The following RORC variants were observed in gnomAD, a reference collection of about 807,000 sequenced individuals.
The protein encoded by RORC is nuclear receptor ROR-gamma.
Under a neutral mutation model 64.5 loss-of-function variants are expected in RORC, and 13 were observed. The ratio of observed to expected loss-of-function variants is 0.20; its 90% CI spans 0.13 to 0.32. RORC has a LOEUF of 0.32. RORC is among the 10% of genes least tolerant of loss of function. RORC has a pLI of 1.00. For missense variants in RORC, 468 were observed against 669.5 expected (o/e 0.70, Z 3.32); for synonymous variants, 277 against 259.3 (o/e 1.07, Z -0.65).
intron 6 of RORC, 105 bp downstream of exon 6, chr1:151,814,469 G>T: frequency 8.0e-7 from 1 of 1,255,410 alleles, no homozygotes; most frequent in Non-Finnish European, 1.1e-6. Flanking sequence ...CTGTGTCTGT[G>T]ATGTCCCGCC....
chr1:151,826,992 C>A (rs1652219720), intron 2 of RORC, among the ~76,000 whole-genome samples: 1 of 152,144 alleles, frequency 6.6e-6, no homozygotes, highest in African/African-American at 2.4e-5. Context: ...GTGGCGAGCA[C>A]CTGTAGTCCC....
intron 4 of RORC, among the ~76,000 whole-genome samples, chr1:151,816,360 G>C (rs761491759): frequency 1.3e-5 from 2 of 152,258 alleles, no homozygotes; most frequent in Non-Finnish European, 2.9e-5. Context: ...CTGCATGGGA[G>C]CTGGGCCAGA....
At chr1:151,817,515 G>A (rs1318933921) in intron 2 of RORC, among the ~76,000 whole-genome samples, 1 of 152,190 alleles carries the variant, frequency 6.6e-6, no homozygotes, top group Non-Finnish European at 1.5e-5. Flanking sequence ...AGGGGTGGCC[G>A]GGAGTTGTAT....
At chr1:151,826,863 A>G (rs1350905983) in intron 2 of RORC, among the ~76,000 whole-genome samples, 1 of 152,232 alleles carries the variant, frequency 6.6e-6, no homozygotes, top group East Asian at 1.9e-4. Context: ...CACGCCTGTA[A>G]TCCCAGCACT....
chr1:151,817,326 C>A (rs758350890), intron 2 of RORC, 46 bp from the exon 3 acceptor site: 2 of 1,346,040 alleles, frequency 1.5e-6, no homozygotes, highest in South Asian at 2.3e-5. Flanking sequence ...GGCTTTTCTG[C>A]ATTCAACCAC....
chr1:151,827,406 C>G (rs1348702166), intron 2 of RORC, among the ~76,000 whole-genome samples: 1 of 151,790 alleles, frequency 6.6e-6, no homozygotes, highest in East Asian at 1.9e-4. Flanking sequence ...TCTCAGGGGC[C>G]AAACAATTCC....
At chr1:151,811,180 T>C (rs1651508257) in intron 10 of RORC, 145 bp downstream of exon 10, 1 of 515,778 alleles carries the variant, frequency 1.9e-6, no homozygotes, top group Admixed American at 3.2e-5. Flanking sequence ...ATTCCCTTAG[T>C]TCCCACTGCT....
At chr1:151,826,027 G>A (rs1182358371) in intron 2 of RORC, 3 of 1,599,348 alleles carry the variant, frequency 1.9e-6, no homozygotes, top group Non-Finnish European at 2.5e-6. Context: ...CAGAGGCGGG[G>A]CGAGGCCCTC....
chr1:151,815,132 C>T lies in RORC; in HGVS notation c.592G>A (p.Ala198Thr). 2.5e-6 allele frequency: 4 copies of T among 1,614,092 alleles called. No homozygotes were observed. Among genetic ancestry groups the T allele is most frequent in the Non-Finnish European group, 3.4e-6 (4 of 1,179,974 alleles). ...GGGCTGTATTCAAGGTGGCATGAGG[C>T]CCCATTGAGCCCTGCCTTGGCCAAG... is the stretch of plus-strand genomic sequence containing the variant. ...NNLAKAGLNG[A>T]SCHLEYSPER... The change falls in exon 5 of 11, where the codon GCC becomes ACC. Residue 198 changes from alanine to threonine, a missense_variant. This residue lies in a region of RORC where 241 missense variants were observed against 295.5 expected (regional missense o/e 0.82). Coordinates refer to ENST00000318247, the MANE Select transcript of RORC (RefSeq NM_005060.4).
chr1:151,826,538 G>A (rs966313128), intron 2 of RORC, among the ~76,000 whole-genome samples: 2 of 152,206 alleles, frequency 1.3e-5, no homozygotes, highest in African/African-American at 2.4e-5. Context: ...TGCAGCCTGG[G>A]GGGCTGTCCC....
rs978794587 is a variant in RORC at position 151,830,786 on chromosome 1, G to A, written c.40+939C>T. The A allele has an allele frequency of 3.9e-5, 16 of 415,302 alleles. No individual in the cohort carries two copies. The Admixed American group carries it at 5.8e-4, about 15-fold the overall frequency. 25.7% of individuals were successfully genotyped at this position (415,302 alleles called of 1,614,324 possible). ...GGAGGAGAAAAGACTGCCCCGAGGT[G>A]GCAAGGCCCCACCCAGCCCCGCCCA... On this transcript the variant is annotated intron_variant, in intron 1 of 10. Coordinates refer to ENST00000318247, the MANE Select transcript of RORC (RefSeq NM_005060.4). The surrounding 1 kb of genome is among the most constrained non-coding windows in gnomAD (Gnocchi z 4.0).
At position 151,807,715 on chromosome 1, in the gene RORC, T is replaced by A; in HGVS notation, c.1396-82A>T. On this transcript the variant is annotated intron_variant, in intron 10 of 10. Coordinates refer to ENST00000318247, the MANE Select transcript of RORC (RefSeq NM_005060.4). This position sits in a 1 kb window ranked among gnomAD's most constrained non-coding sequence, Gnocchi z 5.0. ...AGAAGTCCGCTCATTCTTCCTGGGC[T>A]AGGACAAACCCTCCTTGCCTTCCCC... is the stretch of plus-strand genomic sequence containing the variant. 6.8e-7 allele frequency: 1 copy of A among 1,462,894 alleles called. No individual in the cohort carries two copies. The highest frequency in any genetic ancestry group is 9.4e-7 in the Non-Finnish European group (1 of 1,067,442). 90.6% of individuals were successfully genotyped at this position (1,462,894 alleles called of 1,614,324 possible). A position where few individuals can be genotyped will look rare whatever the true frequency, so the allele number is the denominator to read the frequency against.
chr1:151,809,844 C>G (rs937454620), intron 10 of RORC, among the ~76,000 whole-genome samples: 2 of 152,310 alleles, frequency 1.3e-5, no homozygotes, highest in Non-Finnish European at 2.9e-5. Context: ...TATACTGGTT[C>G]CAAAGTAAAT....
chr1:151,823,557 T>C (rs1449148762), intron 2 of RORC, among the ~76,000 whole-genome samples: 4 of 152,238 alleles, frequency 2.6e-5, no homozygotes, highest in Non-Finnish European at 4.4e-5. Flanking sequence ...CTGCCAGTTA[T>C]CTTTTCTCTC....
rs1443790515 is a variant in RORC, at chr1:151,813,262, C to G, written c.1151G>C (p.Gly384Ala). ...RTVFFEGKYG[G>A]MELFRALGCS... Reference sequence around the variant, plus strand: ...ACCCAAGGCTCGGAACAGCTCCATGCCACCGTATTTGCCTTCAAAAAAGAC... The same window carrying G: ...ACCCAAGGCTCGGAACAGCTCCATGGCACCGTATTTGCCTTCAAAAAAGAC... Residue 384 changes from glycine to alanine, a missense_variant, in exon 8 of 11, where the codon GGC becomes GCC. Transcript: ENST00000318247. 1.2e-6 allele frequency: 2 copies of G among 1,614,108 alleles called. No individual in the cohort carries two copies. The highest frequency in any genetic ancestry group is 1.7e-5 in the Admixed American group (1 of 60,020).
In RORC at chr1:151,813,617, T is replaced by A. The variant is rs1376984063; in HGVS notation, c.937A>T (p.Met313Leu). The change falls in exon 7 of 11, where the codon ATG (methionine) becomes TTG (leucine). Residue 313 changes from methionine to leucine, a missense_variant. Coordinates refer to ENST00000318247, the MANE Select transcript of RORC (RefSeq NM_005060.4). ...GCACACCGTTCCCACATCTCCCACATGGACTGCAGGGAGGGAGGAGGGTCC... is the reference window on the plus strand; with the variant it reads ...GCACACCGTTCCCACATCTCCCACAAGGACTGCAGGGAGGGAGGAGGGTCC... The part of the protein sequence containing the change: ...EEVTGYQRKS[M>L]WEMWERCAHH... 1 of 1,614,170 alleles carries A rather than the reference T, an allele frequency of 6.2e-7. No individual in the cohort carries two copies. Among genetic ancestry groups the A allele is most frequent in the Non-Finnish European group, 8.5e-7 (1 of 1,180,018 alleles).
At chr1:151,819,659 G>A (rs1651906932) in intron 2 of RORC, among the ~76,000 whole-genome samples, 1 of 152,128 alleles carries the variant, frequency 6.6e-6, no homozygotes, top group Admixed American at 6.5e-5. Flanking sequence ...AGCCACATCC[G>A]CGTGCGTGTG....
chr1:151,818,918 T>C (rs1013931305), intron 2 of RORC, among the ~76,000 whole-genome samples: 1 of 152,144 alleles, frequency 6.6e-6, no homozygotes, highest in Non-Finnish European at 1.5e-5. Context: ...TCTTAAACCA[T>C]CATCCCTCAG....
chr1:151,825,321 C>T (rs1052811885), intron 2 of RORC, among the ~76,000 whole-genome samples: 7 of 152,130 alleles, frequency 4.6e-5, no homozygotes, highest in Admixed American at 2.0e-4. Flanking sequence ...GGCATGTGCC[C>T]GGGTGCACCC....
Sources: gnomAD v4.1 joint callset for allele counts (sites outside exome capture counted in the v4.1 genomes callset) on GRCh38, gnomAD v4.1.1 for gene constraint, gnomAD v4.1.1 regional missense constraint, Gnocchi (gnomAD v3.1) non-coding constraint, MANE v1.5 for transcripts, NCBI Gene and HGNC (gene_info 2026-07-23, HGNC 2026-07-21) for gene names.